The following WDR20 variants were observed in gnomAD, a reference collection of about 807,000 sequenced individuals.
The protein encoded by WDR20 is WD repeat domain 20, also known as WD repeat-containing protein 20.
Under a neutral mutation model 38.7 loss-of-function variants are expected in WDR20, and 3 were observed. The observed-to-expected ratio is 0.08, with a 90% CI of 0.04 to 0.20. WDR20 has a LOEUF of 0.20. WDR20 is among the 10% of genes least tolerant of loss of function. The probability of loss-of-function intolerance (pLI) is 1.00; values close to 1 mark genes in which losing one functional copy is unlikely to be tolerated. For missense variants in WDR20, 559 were observed against 727.7 expected, an observed-to-expected ratio of 0.77 and a Z score of 2.67; for synonymous variants, 298 against 285.6, an observed-to-expected ratio of 1.04 and a Z score of -0.44.
chr14:102,220,719 CAAAAAAAA>C lies in WDR20; in HGVS notation c.1693-2100_1693-2093del, dbSNP rs35097607. Among the ~76,000 whole-genome samples the C allele has an allele frequency of 4.5e-5, 5 of 111,714 alleles. No homozygotes were observed. Among genetic ancestry groups the C allele is most frequent in the Non-Finnish European group, 5.8e-5 (3 of 51,986 alleles). The allele number at this position is 111,714 out of a possible 152,430, so 73.3% of individuals were successfully genotyped here. A position where few individuals can be genotyped will look rare whatever the true frequency, so the allele number is the denominator to read the frequency against. Reference sequence around the variant, plus strand: ...TGGACAACAAAGTGAGACTCCGTCTCAAAAAAAAAAAAAAAAAAGAAAATATTAAAATT... The same window carrying C: ...TGGACAACAAAGTGAGACTCCGTCTCAAAAAAAAAAGAAAATATTAAAATT... On this transcript the variant is annotated intron_variant, in intron 3 of 3. Transcript: ENST00000335263. This position sits in a 1 kb window ranked among gnomAD's most constrained non-coding sequence, Gnocchi z 4.2.
chr14:102,212,397 G>C (rs2062660889), downstream of WDR20: 2 of 1,073,146 alleles, frequency 1.9e-6, no homozygotes, highest in Admixed American at 4.3e-5. Flanking sequence ...GCCAGCCTGG[G>C]GAGGGGCTGC....
rs1012960406 is a variant in WDR20 at position 102,208,330 on chromosome 14, G to A, written c.433-273G>A. 6.6e-6 allele frequency among the ~76,000 whole-genome samples: 1 copy of A among 152,242 alleles called. No homozygotes were observed. Among genetic ancestry groups the A allele is most frequent in the Non-Finnish European group, 1.5e-5 (1 of 68,044 alleles). On this transcript the variant is annotated intron_variant, in intron 2 of 2. Transcript: ENST00000342702. The surrounding 1 kb of genome is among the most constrained non-coding windows in gnomAD (Gnocchi z 5.6). The stretch of plus-strand genomic sequence containing the variant: ...CAGTGAACCCTGTGCCTGGCATCGT[G>A]TCTGGCACTTAGTGGCCCCTCTGCA...
upstream of WDR20, chr14:102,139,542 C>G: frequency 2.2e-6 from 2 of 916,434 alleles, no homozygotes; most frequent in Non-Finnish European, 3.2e-6. Context: ...CTCAAGTTCA[C>G]CTCAGGCTCA....
chr14:102,140,295 G>A, intron 1 of WDR20, 123 bp downstream of exon 1: 2 of 1,446,086 alleles, frequency 1.4e-6, no homozygotes, highest in Non-Finnish European at 1.9e-6. Flanking sequence ...GAGTGGGCCG[G>A]TAACTCCACT....
downstream of WDR20, chr14:102,214,731 GACA>G: frequency 1.0e-6 from 1 of 980,570 alleles, no homozygotes; most frequent in Non-Finnish European, 1.2e-6. Context: ...CCAATTTCTT[GACA>G]ACTTGAATAA....
intron 1 of WDR20, among the ~76,000 whole-genome samples, chr14:102,190,603 A>AT (rs1465761632): frequency 6.6e-6 from 1 of 152,004 alleles, no homozygotes; most frequent in African/African-American, 2.4e-5. Flanking sequence ...CAAAAAAAAA[A>AT]GTGTTGACTA....
At chr14:102,191,992 A>G (rs1003160459) in intron 1 of WDR20, among the ~76,000 whole-genome samples, 1 of 152,336 alleles carries the variant, frequency 6.6e-6, no homozygotes, top group Non-Finnish European at 1.5e-5. Flanking sequence ...TTCAACAGAT[A>G]TAAAATTTGT....
chr14:102,162,277 T>C (rs1273257132), intron 1 of WDR20, among the ~76,000 whole-genome samples: 1 of 152,160 alleles, frequency 6.6e-6, no homozygotes, highest in African/African-American at 2.4e-5. Context: ...TTGACTGCAT[T>C]GTACTGTTTC....
At chr14:102,176,556 C>T (rs1168756254) in intron 1 of WDR20, among the ~76,000 whole-genome samples, 5 of 152,010 alleles carry the variant, frequency 3.3e-5, no homozygotes, top group African/African-American at 1.2e-4. Context: ...AATTCGTGCC[C>T]GGCTGAGGAT....
intron 1 of WDR20, among the ~76,000 whole-genome samples, chr14:102,185,021 A>C (rs2064281933): frequency 6.7e-6 from 1 of 150,254 alleles, no homozygotes; most frequent in Admixed American, 6.6e-5. Context: ...GAAACTAAGA[A>C]AGAGAAGCTA....
Position 102,207,229 on chromosome 14 carries a change from G to T in WDR20, c.433-1374G>T, listed in dbSNP as rs1219818538. On this transcript the variant is annotated intron_variant, in intron 2 of 2. Transcript: ENST00000342702. The surrounding 1 kb of genome is among the most constrained non-coding windows in gnomAD (Gnocchi z 5.0). ...GGCCCGCATGCTGTGTGGCGTTCAGGCCTCCGTTCTTCCTGCCTGGGGTCC... is the reference window on the plus strand; with the variant it reads ...GGCCCGCATGCTGTGTGGCGTTCAGTCCTCCGTTCTTCCTGCCTGGGGTCC... Among the ~76,000 whole-genome samples the T allele has an allele frequency of 6.6e-6, 1 of 152,372 alleles. No homozygotes were observed. The highest frequency in any genetic ancestry group is 1.9e-4 in the East Asian group (1 of 5,188).
downstream of WDR20, among the ~76,000 whole-genome samples, chr14:102,218,729 A>G (rs2063522998): frequency 6.6e-6 from 1 of 152,062 alleles, no homozygotes; most frequent in African/African-American, 2.4e-5. Context: ...GACTAATATT[A>G]GAGCCAAGGC....
At chr14:102,184,799 CT>C (rs1415839305) in intron 1 of WDR20, among the ~76,000 whole-genome samples, 1 of 152,172 alleles carries the variant, frequency 6.6e-6, no homozygotes, top group East Asian at 1.9e-4. Flanking sequence ...CCTGCCTCCC[CT>C]CTGTCTAATT....
chr14:102,210,037 G>GA lies in WDR20; in HGVS notation c.*159dup. 7.1e-7 allele frequency: 1 copy of GA among 1,407,450 alleles called. No individual in the cohort carries two copies. Among genetic ancestry groups the GA allele is most frequent in the East Asian group, 2.6e-5 (1 of 39,022 alleles). The allele number at this position is 1,407,450 out of a possible 1,614,324, so 87.2% of individuals were successfully genotyped here. On this transcript the variant is annotated 3_prime_UTR_variant, in exon 3 of 3. Transcript: ENST00000342702. ...TGGATACTGCATGCCATGTAATTCT[G>GA]AATCATTTGATAATTTACCTTAGAG...
intron 1 of WDR20, among the ~76,000 whole-genome samples, chr14:102,186,504 C>G (rs1387269364): frequency 6.6e-6 from 1 of 152,058 alleles, no homozygotes; most frequent in East Asian, 1.9e-4. Flanking sequence ...CTCTGATTGG[C>G]CAAGGTCTCT....
intron 2 of WDR20, among the ~76,000 whole-genome samples, chr14:102,200,467 T>TTTTTGTGTGTGTG (rs748066838): frequency 1.6e-4 from 19 of 117,770 alleles, no homozygotes; most frequent in African/African-American, 5.6e-4. Context: ...ATTTTTTTTT[T>TTTTTGTGTGTGTG]TGTGTGTGTG....
chr14:102,182,462 T>C (rs2063579586), intron 1 of WDR20, among the ~76,000 whole-genome samples: 3 of 152,212 alleles, frequency 2.0e-5, no homozygotes, highest in Admixed American at 6.5e-5. Flanking sequence ...GTGGTCTTAA[T>C]TGGTGTGAAA....
intron 2 of WDR20, among the ~76,000 whole-genome samples, chr14:102,205,341 G>A (rs986995046): frequency 2.0e-5 from 3 of 152,054 alleles, no homozygotes; most frequent in Non-Finnish European, 4.4e-5. Flanking sequence ...AAAAAGAAGA[G>A]TGGATAAATG....
intron 1 of WDR20, among the ~76,000 whole-genome samples, chr14:102,180,244 C>T (rs1040413341): frequency 6.6e-6 from 1 of 152,152 alleles, no homozygotes; most frequent in Non-Finnish European, 1.5e-5. Flanking sequence ...TCCTTTAATC[C>T]TCGAACGCTG....
Sources: allele counts gnomAD v4.1 joint callset (sites outside exome capture counted in the v4.1 genomes callset), GRCh38; gene constraint gnomAD v4.1.1; non-coding constraint Gnocchi (gnomAD v3.1); transcripts MANE v1.5; gene names NCBI Gene and HGNC (gene_info 2026-07-23, HGNC 2026-07-21).